The following MVD variants were observed in gnomAD, a reference collection of about 807,000 sequenced individuals.
MVD encodes the protein diphosphomevalonate decarboxylase.
Under a neutral mutation model 42.4 loss-of-function variants are expected in MVD, and 52 were observed. That is an observed-to-expected ratio of 1.23 (90% CI 0.98 to 1.55). The LOEUF (loss-of-function observed/expected upper bound fraction) is 1.55, where lower values mean the gene tolerates loss of function less well. Ranked by LOEUF, MVD falls within the 40% of genes most tolerant of loss-of-function variation. The pLI, the probability that MVD is intolerant of heterozygous loss-of-function variation, is 0.00. For missense variants in MVD, 663 were observed against 572.1 expected (o/e 1.16, Z -1.62); for synonymous variants, 287 against 243.2 (o/e 1.18, Z -1.68).
Position 88,653,299 on chromosome 16 carries a change from C to A in MVD, c.1122+1G>T, listed in dbSNP as rs528723927. Reference sequence around the variant, plus strand: ...GGTACTGGGTGAGCCCCAGGCCTCACCTGAGTGACAATGATGTATTTGACC... The same window carrying A: ...GGTACTGGGTGAGCCCCAGGCCTCAACTGAGTGACAATGATGTATTTGACC... On this transcript the variant is annotated splice_donor_variant, in intron 9 of 9. Transcript: ENST00000301012. LOFTEE classifies it high-confidence loss of function. 1.3e-6 allele frequency: 2 copies of A among 1,598,352 alleles called. No individual in the cohort carries two copies. Among genetic ancestry groups the A allele is most frequent in the African/African-American group, 1.4e-5 (1 of 73,704 alleles).
In MVD at chr16:88,654,692, G is replaced by A. The variant is rs755063696; in HGVS notation, c.1013C>T (p.Thr338Met). Residue 338 changes from threonine to methionine, a missense_variant and splice_region_variant, in exon 8 of 10, where the codon ACG becomes ATG. Coordinates refer to ENST00000301012, the MANE Select transcript of MVD (RefSeq NM_002461.3). ...GAGGAGGGGCGGGGTCCACACTCAC[G>A]TGTCTCCATTCGAGCCTGGGGGAAA... ...HGFPPGSNGDTFLKGLQVRPA... is the reference protein window; with the variant it reads ...HGFPPGSNGDMFLKGLQVRPA... 15 of 1,595,518 alleles carry A rather than the reference G, an allele frequency of 9.4e-6. No homozygotes were observed. Among genetic ancestry groups the A allele is most frequent in the East Asian group, 4.6e-5 (2 of 43,382 alleles).
chr16:88,657,609 G>A, intron 3 of MVD, 27 bp from the exon 4 acceptor site: 1 of 1,604,198 alleles, frequency 6.2e-7, no homozygotes, highest in Non-Finnish European at 8.5e-7. Flanking sequence ...ACAGCGTGTG[G>A]CCCAGCCGTC....
intron 1 of MVD, chr16:88,658,946 C>T (rs1908118441): frequency 3.7e-6 from 2 of 547,436 alleles, no homozygotes; most frequent in Admixed American, 3.0e-5. Context: ...AGCCAACCTC[C>T]GTCCCCGCTC....
rs756041753 is a variant in MVD, at chr16:88,657,906, C to T, written c.256+9G>A. 1.4e-5 allele frequency: 23 copies of T among 1,612,334 alleles called. No individual in the cohort carries two copies. The East Asian group carries it at 5.1e-4, about 36-fold the overall frequency. ...AGGGAGGGATGGGCTTATGGGGACC[C>T]CAGCTCACTCTCCCGCAGGCAGGCC... is the stretch of plus-strand genomic sequence containing the variant. On this transcript the variant is annotated intron_variant, in intron 3 of 9. Coordinates refer to ENST00000301012, the MANE Select transcript of MVD (RefSeq NM_002461.3).
In MVD at chr16:88,658,686, G is replaced by T. The variant is rs141900581; in HGVS notation, c.105C>A (p.Ile35=). 8 of 1,613,594 alleles carry T rather than the reference G, an allele frequency of 5.0e-6. No individual in the cohort carries two copies. The highest frequency in any genetic ancestry group is 6.8e-6 in the Non-Finnish European group (8 of 1,179,858). Residue 35 remains isoleucine, a synonymous_variant, in exon 2 of 10, where the codon ATC becomes ATA. Transcript: ENST00000301012. The stretch of plus-strand genomic sequence containing the variant: ...GCAGAGTGACGCTCAGGGAGGAGTT[G>T]ATGGGCAGAACCAGCTCTTCATCGC... ...GKRDEELVLP[I]NSSLSVTLHQ... is the part of the protein sequence containing the mutation.
intron 1 of MVD, 84 bp from the exon 2 acceptor site, chr16:88,658,804 CCCACGGCCCCCAT>C: frequency 4.2e-6 from 4 of 951,186 alleles, no homozygotes; most frequent in Non-Finnish European, 6.0e-6. Flanking sequence ...CCACCCCCCA[CCCACGGCCCCCAT>C]CCGCCTCAGT....
At chr16:88,655,574 TCGGGCC>T (rs1907860702) in intron 6 of MVD, 76 bp downstream of exon 6, 2 of 1,525,970 alleles carry the variant, frequency 1.3e-6, no homozygotes, top group Non-Finnish European at 1.8e-6. Context: ...GTGAGAACAC[TCGGGCC>T]CAGACAGAGG....
At chr16:88,660,669 C>A (rs1908234154) in intron 1 of MVD, 1 of 148,564 alleles carries the variant, frequency 6.7e-6, no homozygotes, top group Non-Finnish European at 1.5e-5. Flanking sequence ...AAAAGTAATA[C>A]AAATAAATAT....
intron 4 of MVD, chr16:88,656,616 C>A: frequency 2.1e-6 from 1 of 483,316 alleles, no homozygotes. Flanking sequence ...CCGAGGACAC[C>A]CAAGCTGGGC....
At chr16:88,661,843 T>TAA (rs56160391) in intron 1 of MVD, among the ~76,000 whole-genome samples, 79,333 of 143,098 alleles carry the variant, frequency 0.55, 23,036 homozygotes, top group East Asian at 0.86. Flanking sequence ...ACAGTTTCTT[T>TAA]AAAAAAAAAA....
intron 1 of MVD, chr16:88,658,936 A>T: frequency 1.8e-6 from 1 of 562,138 alleles, no homozygotes; most frequent in East Asian, 3.1e-5. Context: ...GCTGGAGGCC[A>T]GCCAACCTCC....
chr16:88,655,360 C>G lies in MVD; in HGVS notation c.736G>C (p.Glu246Gln), dbSNP rs541624153. 6.2e-7 allele frequency: 1 copy of G among 1,601,260 alleles called. No homozygotes were observed. Among genetic ancestry groups the G allele is most frequent in the Admixed American group, 1.7e-5 (1 of 58,566 alleles). Residue 246 changes from glutamate to glutamine, a missense_variant, in exon 7 of 10, where the codon GAG becomes CAG. By Grantham distance (29) the Glu-to-Gln change is conservative (BLOSUM62 2). Coordinates refer to ENST00000301012, the MANE Select transcript of MVD (RefSeq NM_002461.3). ...TGGGCGAAGCTGGGGAAGTCTCGCT[C>G]CCGGATGCAGCGGGCCATCTCCGCC... ...RMAEMARCIR[E>Q]RDFPSFAQLT...
chr16:88,658,878 C>G (rs1433735361), intron 1 of MVD, 158 bp from the exon 2 acceptor site: 4 of 648,366 alleles, frequency 6.2e-6, no homozygotes, highest in Admixed American at 4.4e-5. Context: ...CAGACCCCGG[C>G]CTGCAAGAAC....
At position 88,657,549 on chromosome 16, in the gene MVD, CGT is replaced by C. The variant is rs1428299455; in HGVS notation, c.288_289del (p.Arg97GlyfsTer50). 4.2e-5 allele frequency: 68 copies of C among 1,612,652 alleles called. No individual in the cohort carries two copies. Among genetic ancestry groups the C allele is most frequent in the Non-Finnish European group, 5.3e-5 (63 of 1,179,896 alleles). On this transcript the variant is annotated frameshift_variant, in exon 4 of 10. Transcript: ENST00000301012. LOFTEE classifies it high-confidence loss of function. ...GCTGGAGGGCAGCGGGTCCCCATCC[CGT>C]GAGTTCCTCCGCTTCCGGGCCAGGC... is the stretch of plus-strand genomic sequence containing the variant.
chr16:88,662,701 C>A, intron 1 of MVD: 1 of 1,382,990 alleles, frequency 7.2e-7, no homozygotes, highest in Non-Finnish European at 9.4e-7. Context: ...ACCACCACGG[C>A]GGATTCTTAC....
intron 6 of MVD, 32 bp from the exon 7 acceptor site, chr16:88,655,449 G>T: frequency 6.5e-7 from 1 of 1,544,246 alleles, no homozygotes; most frequent in Admixed American, 1.9e-5. Flanking sequence ...CCATGGAGCC[G>T]CTGGGGGTCT....
In MVD at chr16:88,663,017, T is replaced by C; in HGVS notation, c.64A>G (p.Lys22Glu). The change falls in exon 1 of 10, where the codon AAG (lysine) becomes GAG (glutamate). Residue 22 changes from lysine to glutamate, a missense_variant. Lys to Glu is a moderately conservative substitution (Grantham distance 56). Transcript: ENST00000301012. ...CTAPVNIAVI[K>E]YWGKRDEELV... ...GCCGGCCCGCGGCACTCACAGTACT[T>C]GATGACCGCGATGTTGACCGGCGCT... 6.2e-7 allele frequency: 1 copy of C among 1,606,084 alleles called. No individual in the cohort carries two copies.
rs1907606725 is a variant in MVD, at chr16:88,652,175, C to A, written c.*350G>T. The A allele has an allele frequency of 7.3e-6, 3 of 409,440 alleles. No individual in the cohort carries two copies. Among genetic ancestry groups the A allele is most frequent in the Non-Finnish European group, 1.4e-5 (3 of 219,888 alleles). 25.4% of individuals were successfully genotyped at this position (409,440 alleles called of 1,614,324 possible). On this transcript the variant is annotated 3_prime_UTR_variant, in exon 10 of 10. Transcript: ENST00000301012. Reference sequence around the variant, plus strand: ...CCCTTCCCTGGTCCGCTGGAGGGACCACCTCCCCACTGAGCTCCTTTCTCA... The same window carrying A: ...CCCTTCCCTGGTCCGCTGGAGGGACAACCTCCCCACTGAGCTCCTTTCTCA...
At position 88,654,816 on chromosome 16, in the gene MVD, C is replaced by A; in HGVS notation, c.898-9G>T. 1 of 1,561,100 alleles carries A rather than the reference C, an allele frequency of 6.4e-7. No homozygotes were observed. The highest frequency in any genetic ancestry group is 8.7e-7 in the Non-Finnish European group (1 of 1,155,604). On this transcript the variant is annotated splice_polypyrimidine_tract_variant and intron_variant, in intron 7 of 9. Coordinates refer to ENST00000301012, the MANE Select transcript of MVD (RefSeq NM_002461.3). ...TCAAAGGTGTACGCCACCTGGAACC[C>A]ACAGCAGTCACCCTGGCTATTCACG...
Sources: allele counts gnomAD v4.1 joint callset (sites outside exome capture counted in the v4.1 genomes callset), GRCh38; gene constraint gnomAD v4.1.1; transcripts MANE v1.5; gene names NCBI Gene and HGNC (gene_info 2026-07-23, HGNC 2026-07-21).